The following LRRC7 variants were observed in gnomAD, a reference collection of about 807,000 sequenced individuals.
LRRC7 encodes leucine rich repeat containing 7, also known as leucine-rich repeat-containing protein 7.
A neutral mutation model predicts 175.7 loss-of-function variants in LRRC7; 23 were observed. The observed-to-expected ratio is 0.13, with a 90% CI of 0.09 to 0.19. The LOEUF is 0.19. Ranked by LOEUF, LRRC7 falls within the 10% of genes least tolerant of loss-of-function variation. The probability of loss-of-function intolerance (pLI) is 1.00; values close to 1 mark genes in which losing one functional copy is unlikely to be tolerated. For missense variants in LRRC7, 1,354 were observed against 1,904.7 expected, an observed-to-expected ratio of 0.71 and a Z score of 5.38; for synonymous variants, 685 against 680.9, an observed-to-expected ratio of 1.01 and a Z score of -0.09.
intron 25 of LRRC7, among the ~76,000 whole-genome samples, chr1:70,099,301 AG>A (rs1664642577): frequency 7.5e-6 from 1 of 132,680 alleles, no homozygotes; most frequent in Non-Finnish European, 1.6e-5. Flanking sequence ...TCAATAAATT[AG>A]GTATTGATGG....
At chr1:69,868,088 G>T (rs1426458452) in intron 7 of LRRC7, among the ~76,000 whole-genome samples, 1 of 152,002 alleles carries the variant, frequency 6.6e-6, no homozygotes, top group Non-Finnish European at 1.5e-5. Flanking sequence ...TGAATTTCTG[G>T]TTATAGAAGT....
At chr1:69,674,054 C>A (rs1426774000) in intron 1 of LRRC7, among the ~76,000 whole-genome samples, 1 of 152,068 alleles carries the variant, frequency 6.6e-6, no homozygotes, top group African/African-American at 2.4e-5. Context: ...ATTGCCCAGG[C>A]TGGAGTGTAG....
At chr1:69,646,695 A>T (rs1431849796) in intron 1 of LRRC7, among the ~76,000 whole-genome samples, 1 of 152,098 alleles carries the variant, frequency 6.6e-6, no homozygotes, top group Non-Finnish European at 1.5e-5. Flanking sequence ...ACTGCTTCCT[A>T]TGATATCTAC....
chr1:69,775,185 G>T (rs752476681), intron 3 of LRRC7, among the ~76,000 whole-genome samples: 14 of 152,064 alleles, frequency 9.2e-5, no homozygotes, highest in Non-Finnish European at 1.9e-4. Context: ...TGTCCAGGGC[G>T]CAAGTATATT....
intron 23 of LRRC7, among the ~76,000 whole-genome samples, chr1:70,058,354 T>G (rs1661313222): frequency 6.6e-6 from 1 of 152,146 alleles, no homozygotes; most frequent in Non-Finnish European, 1.5e-5. Flanking sequence ...AAGTTTAGGA[T>G]TCACTGCTAG....
chr1:69,833,383 T>C (rs746811589), intron 5 of LRRC7, among the ~76,000 whole-genome samples: 1 of 152,044 alleles, frequency 6.6e-6, no homozygotes, highest in African/African-American at 2.4e-5. Context: ...GTAAACATGA[T>C]TCAGGAATTT....
At chr1:69,639,215 T>C (rs1468659001) in intron 1 of LRRC7, among the ~76,000 whole-genome samples, 3 of 151,752 alleles carry the variant, frequency 2.0e-5, no homozygotes. Context: ...GTCCCAAATT[T>C]AGTAAGAGTT....
chr1:70,012,652 T>C (rs113614490), intron 12 of LRRC7, among the ~76,000 whole-genome samples: 2,348 of 151,820 alleles, frequency 0.015, 62 homozygotes, highest in African/African-American at 0.054. Flanking sequence ...TAAACAAAGA[T>C]ATATTAGTAC....
chr1:69,794,792 A>C (rs760156851), intron 4 of LRRC7, among the ~76,000 whole-genome samples: 3 of 152,220 alleles, frequency 2.0e-5, no homozygotes, highest in Admixed American at 6.5e-5. Flanking sequence ...GCTCTCTTAC[A>C]TCAAGAAATG....
intron 7 of LRRC7, among the ~76,000 whole-genome samples, chr1:69,886,615 A>T (rs942534104): frequency 6.7e-6 from 1 of 149,612 alleles, no homozygotes; most frequent in Non-Finnish European, 1.5e-5. Context: ...TAGCCCATTT[A>T]CATTTAAAGT....
At chr1:69,767,117 A>T (rs1317802654) in intron 3 of LRRC7, among the ~76,000 whole-genome samples, 1 of 152,116 alleles carries the variant, frequency 6.6e-6, no homozygotes, top group Non-Finnish European at 1.5e-5. Flanking sequence ...TATAAACAGA[A>T]TTACATAGCA....
intron 2 of LRRC7, among the ~76,000 whole-genome samples, chr1:69,756,018 G>T (rs1265802863): frequency 1.3e-5 from 2 of 151,800 alleles, no homozygotes; most frequent in African/African-American, 4.8e-5. Context: ...CAGGGACCAA[G>T]GGGAAAAAGA....
At chr1:69,937,539 T>C (rs1047634645) in intron 8 of LRRC7, among the ~76,000 whole-genome samples, 2 of 152,082 alleles carry the variant, frequency 1.3e-5, no homozygotes, top group Non-Finnish European at 2.9e-5. Flanking sequence ...TATAAACTAT[T>C]TGGTTCATTC....
At position 69,720,788 on chromosome 1, in the gene LRRC7, G is replaced by A. The variant is rs376047120; in HGVS notation, c.101-39403G>A. Among the ~76,000 whole-genome samples, 12 of 151,548 alleles carry A rather than the reference G, an allele frequency of 7.9e-5. No individual in the cohort carries two copies. In the South Asian group the frequency reaches 1.3e-3, roughly 16 times the overall value. On this transcript the variant is annotated intron_variant, in intron 2 of 26. Coordinates refer to ENST00000651989, the MANE Select transcript of LRRC7 (RefSeq NM_001370785.2). ...TTAATCTTATTGTTGCTCCTTTGAT[G>A]CTTATTGGTTTTATTGTTTAAATAA...
intron 2 of LRRC7, among the ~76,000 whole-genome samples, chr1:69,707,177 T>C (rs1664140301): frequency 6.6e-6 from 1 of 152,200 alleles, no homozygotes; most frequent in Non-Finnish European, 1.5e-5. Flanking sequence ...TTGATCCTTG[T>C]TATTCCAGTC....
At chr1:70,052,904 G>A in intron 22 of LRRC7, 122 bp from the exon 23 acceptor site, 1 of 969,256 alleles carries the variant, frequency 1.0e-6, no homozygotes. Flanking sequence ...TGCAGTTCAG[G>A]ATGTATGTTT....
chr1:69,875,053 T>C (rs949108299), intron 7 of LRRC7: 7 of 152,100 alleles, frequency 4.6e-5, no homozygotes, highest in African/African-American at 1.7e-4. Flanking sequence ...TTATAATGTG[T>C]TCTTATGAAT....
chr1:69,957,304 T>C (rs1650598234), intron 8 of LRRC7, among the ~76,000 whole-genome samples: 3 of 151,772 alleles, frequency 2.0e-5, no homozygotes, highest in African/African-American at 7.3e-5. Flanking sequence ...AACCAAATGG[T>C]CTTTACCTGG....
At chr1:69,761,645 A>C (rs1671048817) in intron 3 of LRRC7, among the ~76,000 whole-genome samples, 1 of 151,992 alleles carries the variant, frequency 6.6e-6, no homozygotes, top group African/African-American at 2.4e-5. Context: ...ATTATTGACT[A>C]CATGGATTCA....
Sources: gnomAD v4.1 joint callset for allele counts (sites outside exome capture counted in the v4.1 genomes callset) on GRCh38, gnomAD v4.1.1 for gene constraint, MANE v1.5 for transcripts, NCBI Gene and HGNC (gene_info 2026-07-23, HGNC 2026-07-21) for gene names.